Variants in CCDC7 observed in about 807,000 individuals in gnomAD.
CCDC7 encodes coiled-coil domain containing 7, also known as coiled-coil domain-containing protein 7.
A neutral mutation model predicts 196.9 loss-of-function variants in CCDC7; 183 were observed. The ratio of observed to expected loss-of-function variants is 0.93; its 90% CI spans 0.82 to 1.05. The LOEUF is 1.05. CCDC7 is among the 50% of genes least tolerant of loss of function. The pLI is 0.00. For synonymous variants in CCDC7, 525 were observed against 484.6 expected (o/e 1.08, Z -1.10); for missense variants, 1,540 against 1,482.2 (o/e 1.04, Z -0.64).
At chr10:32,789,313 C>G (rs2082331760) in intron 29 of CCDC7, among the ~76,000 whole-genome samples, 1 of 151,872 alleles carries the variant, frequency 6.6e-6, no homozygotes, top group African/African-American at 2.4e-5. Flanking sequence ...TAAGGAAATT[C>G]AGTTTACTAC....
upstream of CCDC7, among the ~76,000 whole-genome samples, chr10:32,447,836 A>C (rs1180409023): frequency 6.6e-6 from 1 of 152,178 alleles, no homozygotes; most frequent in African/African-American, 2.4e-5. Flanking sequence ...TGGGAGGCAA[A>C]GTTTGCAGTG....
chr10:32,779,862 C>CA (rs1441497384), intron 29 of CCDC7, among the ~76,000 whole-genome samples: 1 of 152,138 alleles, frequency 6.6e-6, no homozygotes, highest in African/African-American at 2.4e-5. Flanking sequence ...GTGAAACTGT[C>CA]AAAGGAGTGC....
At chr10:32,744,079 T>C (rs1333993940) in intron 28 of CCDC7, among the ~76,000 whole-genome samples, 4 of 151,104 alleles carry the variant, frequency 2.6e-5, no homozygotes, top group Non-Finnish European at 5.9e-5. Flanking sequence ...ATGGCACATG[T>C]ATACATATGT....
intron 14 of CCDC7, 132 bp downstream of exon 15, chr10:32,565,752 T>G: frequency 5.8e-6 from 5 of 861,504 alleles, no homozygotes; most frequent in Non-Finnish European, 6.7e-6. Flanking sequence ...AGGTTTAAAC[T>G]ATATTCATTT....
intron 24 of CCDC7, among the ~76,000 whole-genome samples, chr10:32,695,273 G>T (rs951828857): frequency 3.3e-5 from 5 of 152,182 alleles, no homozygotes; most frequent in African/African-American, 1.2e-4. Flanking sequence ...CCAACTGTAG[G>T]AGATTATGAG....
At chr10:32,618,979 A>T in intron 18 of CCDC7, among the ~76,000 whole-genome samples, 2 of 152,156 alleles carry the variant, frequency 1.3e-5, no homozygotes, top group Middle Eastern at 6.8e-3. Flanking sequence ...GATTATTTCA[A>T]AAGACCTTTC....
At chr10:32,843,021 C>T (rs1400716665) in intron 33 of CCDC7, among the ~76,000 whole-genome samples, 1 of 151,854 alleles carries the variant, frequency 6.6e-6, no homozygotes, top group African/African-American at 2.4e-5. Context: ...CCCAAAATCT[C>T]ACAAATCACC....
chr10:32,482,546 G>A (rs893330663), intron 8 of CCDC7, among the ~76,000 whole-genome samples: 16 of 151,792 alleles, frequency 1.1e-4, no homozygotes, highest in African/African-American at 1.7e-4. Context: ...TGTGCACAAC[G>A]TGCAGGTTAG....
At chr10:32,601,755 C>G (rs1424040249) in intron 18 of CCDC7, among the ~76,000 whole-genome samples, 1 of 151,846 alleles carries the variant, frequency 6.6e-6, no homozygotes, top group Non-Finnish European at 1.5e-5. Context: ...ACACACCAAT[C>G]AACACTCTGT....
At chr10:32,729,504 G>C (rs2083596618) in intron 28 of CCDC7, 47 bp downstream of exon 29, 1 of 962,598 alleles carries the variant, frequency 1.0e-6, no homozygotes, top group Admixed American at 3.2e-5. Context: ...ATTAAATTCA[G>C]GAGAAATTTG....
chr10:32,697,792 G>C (rs1421467521), intron 24 of CCDC7, among the ~76,000 whole-genome samples: 2 of 152,200 alleles, frequency 1.3e-5, no homozygotes, highest in African/African-American at 4.8e-5. Context: ...AGACTTAAAC[G>C]TCCCTGTCTG....
intron 18 of CCDC7, among the ~76,000 whole-genome samples, chr10:32,599,276 A>G (rs917475277): frequency 7.2e-6 from 1 of 138,478 alleles, no homozygotes; most frequent in Non-Finnish European, 1.7e-5. Flanking sequence ...CCATCCCTTC[A>G]CTTTCAATAT....
intron 21 of CCDC7, among the ~76,000 whole-genome samples, chr10:32,666,354 T>A (rs2072708439): frequency 6.6e-6 from 1 of 151,844 alleles, no homozygotes; most frequent in African/African-American, 2.4e-5. Context: ...TACACAATAA[T>A]CCTGCAAGGT....
chr10:32,802,891 C>T (rs2085089878), intron 29 of CCDC7, among the ~76,000 whole-genome samples: 1 of 152,168 alleles, frequency 6.6e-6, no homozygotes, highest in Non-Finnish European at 1.5e-5. Flanking sequence ...TTATTCTGGC[C>T]ATTCTGGCAG....
At chr10:32,584,719 C>CTCCAGCCT (rs1255039350) in intron 18 of CCDC7, among the ~76,000 whole-genome samples, 1 of 130,132 alleles carries the variant, frequency 7.7e-6, no homozygotes, top group East Asian at 2.3e-4. Flanking sequence ...CGCCACTGCA[C>CTCCAGCCT]TCCAGCCTGG....
At chr10:32,627,820 G>T (rs774391104) in intron 18 of CCDC7, among the ~76,000 whole-genome samples, 3 of 151,758 alleles carry the variant, frequency 2.0e-5, no homozygotes, top group Non-Finnish European at 4.4e-5. Flanking sequence ...CACATTTATT[G>T]ATTTGTATGT....
intron 16 of CCDC7, chr10:32,574,623 A>G (rs946653500): frequency 1.9e-6 from 1 of 517,652 alleles, no homozygotes; most frequent in Admixed American, 5.0e-5. Flanking sequence ...TAATCAAACA[A>G]TAGATTTTAA....
At chr10:32,701,980 T>A (rs2078828824) in intron 24 of CCDC7, among the ~76,000 whole-genome samples, 2 of 152,238 alleles carry the variant, frequency 1.3e-5, no homozygotes, top group Non-Finnish European at 2.9e-5. Context: ...GCTCCTGGAT[T>A]CATTGATTTT....
At chr10:32,721,364 C>T (rs1192610992) in intron 25 of CCDC7, among the ~76,000 whole-genome samples, 1 of 152,112 alleles carries the variant, frequency 6.6e-6, no homozygotes, top group African/African-American at 2.4e-5. Flanking sequence ...CTGCCGTAGG[C>T]TCTAATTGGT....
Sources: gnomAD v4.1 joint callset for allele counts (sites outside exome capture counted in the v4.1 genomes callset) on GRCh38, gnomAD v4.1.1 for gene constraint, MANE v1.5 for transcripts, NCBI Gene and HGNC (gene_info 2026-07-23, HGNC 2026-07-21) for gene names.